XKR6: variants seen among roughly 807,000 people sequenced by gnomAD.
XKR6 encodes the protein XK related 6.
In XKR6, 22 loss-of-function variants were observed where a neutral mutation model predicts 56.7. The ratio of observed to expected loss-of-function variants is 0.39; its 90% CI spans 0.28 to 0.55. The LOEUF is 0.55. Ranked by LOEUF, XKR6 falls within the 20% of genes least tolerant of loss-of-function variation. The probability of loss-of-function intolerance (pLI) is 0.66; values close to 1 mark genes in which losing one functional copy is unlikely to be tolerated. For missense variants in XKR6, 852 were observed against 889.0 expected (o/e 0.96, Z 0.53); for synonymous variants, 524 against 387.8 (o/e 1.35, Z -4.13).
chr8:11,180,263 T>C (rs895069497), intron 1 of XKR6, among the ~76,000 whole-genome samples: 1 of 152,128 alleles, frequency 6.6e-6, no homozygotes, highest in African/African-American at 2.4e-5. Context: ...ACAGAAGAGG[T>C]AACAAGAGAG....
At chr8:11,061,599 A>G (rs577432795) in intron 1 of XKR6, among the ~76,000 whole-genome samples, 2 of 152,216 alleles carry the variant, frequency 1.3e-5, no homozygotes, top group African/African-American at 4.8e-5. Context: ...ACATCCGTTC[A>G]TTCATTCATT....
At chr8:11,097,043 G>C (rs1301830712) in intron 1 of XKR6, among the ~76,000 whole-genome samples, 2 of 152,186 alleles carry the variant, frequency 1.3e-5, no homozygotes, top group African/African-American at 4.8e-5. Context: ...GTTCCATCCA[G>C]AAGATGGAAG....
chr8:10,960,425 C>T (rs1439411154), intron 1 of XKR6, among the ~76,000 whole-genome samples: 1 of 152,250 alleles, frequency 6.6e-6, no homozygotes, highest in Admixed American at 6.5e-5. Context: ...TGCATGCTTA[C>T]TCTGAAGGCC....
In XKR6 at chr8:11,200,795, C is replaced by G; in HGVS notation, c.545G>C (p.Arg182Pro). The G allele has an allele frequency of 6.2e-7, 1 of 1,610,332 alleles. No individual in the cohort carries two copies. Reference protein sequence around the residue: ...PSLLVQSLSFRWFVQDYTGGG... With the variant: ...PSLLVQSLSFPWFVQDYTGGG... ...GCCCGTGTAGTCCTGCACGAACCAG[C>G]GGAAGCTCAGGCTCTGCACCAGCAG... Residue 182 changes from arginine to proline, a missense_variant, in exon 1 of 3, where the codon CGC becomes CCC. Transcript: ENST00000416569. The surrounding 1 kb of genome is among the most constrained non-coding windows in gnomAD (Gnocchi z 6.4).
chr8:11,169,908 T>C (rs76977805), intron 1 of XKR6, among the ~76,000 whole-genome samples: 2,433 of 152,232 alleles, frequency 0.016, 90 homozygotes, highest in African/African-American at 0.054. Context: ...TATTTTACAA[T>C]AAATTTTTAA....
intron 1 of XKR6, among the ~76,000 whole-genome samples, chr8:10,970,063 C>G (rs1482262193): frequency 1.3e-5 from 2 of 152,214 alleles, no homozygotes; most frequent in Admixed American, 1.3e-4. Context: ...CACTTGTGAA[C>G]GATTTCACTG....
intron 1 of XKR6, among the ~76,000 whole-genome samples, chr8:10,935,230 G>C (rs1801176280): frequency 9.0e-6 from 1 of 111,532 alleles, no homozygotes. Context: ...GTATTTCTGT[G>C]GGATCAGTGG....
chr8:11,172,014 T>C (rs556752671), intron 1 of XKR6, among the ~76,000 whole-genome samples: 13 of 150,132 alleles, frequency 8.7e-5, no homozygotes, highest in Admixed American at 4.7e-4. Context: ...CATCACGCCA[T>C]TGCACTCCAG....
At chr8:11,104,733 A>G (rs560607445) in intron 1 of XKR6, 1 of 152,214 alleles carries the variant, frequency 6.6e-6, no homozygotes, top group African/African-American at 2.4e-5. Flanking sequence ...TTTTTTGCAG[A>G]TTGGTGGCTA....
At chr8:10,949,610 C>T (rs536016046) in intron 1 of XKR6, among the ~76,000 whole-genome samples, 10 of 152,234 alleles carry the variant, frequency 6.6e-5, no homozygotes, top group African/African-American at 2.4e-4. Context: ...CGTTAGTGCC[C>T]TAACAGGGGA....
chr8:11,195,742 G>C (rs988494207), intron 1 of XKR6, among the ~76,000 whole-genome samples: 6 of 150,490 alleles, frequency 4.0e-5, no homozygotes, highest in African/African-American at 1.5e-4. Flanking sequence ...TCCACCTCCC[G>C]GGTTGACGCC....
At chr8:11,089,402 G>A (rs1043546112) in intron 1 of XKR6, among the ~76,000 whole-genome samples, 2 of 152,144 alleles carry the variant, frequency 1.3e-5, no homozygotes, top group Admixed American at 6.6e-5. Flanking sequence ...AGGCCGAAAT[G>A]GGAGTATTGC....
chr8:11,064,412 C>T (rs561984822), intron 1 of XKR6, among the ~76,000 whole-genome samples: 3 of 152,024 alleles, frequency 2.0e-5, no homozygotes, highest in Admixed American at 2.0e-4. Context: ...CATCTGATCA[C>T]ATAGTTCCTA....
chr8:11,196,047 C>G (rs1478377182), intron 1 of XKR6, among the ~76,000 whole-genome samples: 1 of 151,964 alleles, frequency 6.6e-6, no homozygotes, highest in African/African-American at 2.4e-5. Context: ...CACACCCACA[C>G]AGCCCACAAA....
chr8:10,903,349 G>A (rs550378035), intron 2 of XKR6, among the ~76,000 whole-genome samples: 1 of 152,164 alleles, frequency 6.6e-6, no homozygotes, highest in South Asian at 2.1e-4. Context: ...ACTCAACAGG[G>A]GCAGGAGATG....
intron 1 of XKR6, among the ~76,000 whole-genome samples, chr8:11,070,673 A>G (rs951788749): frequency 2.0e-5 from 3 of 152,242 alleles, no homozygotes; most frequent in African/African-American, 4.8e-5. Context: ...TCACATTTAC[A>G]TAGCACTTCA....
chr8:11,191,617 C>T (rs1451522747), intron 1 of XKR6, among the ~76,000 whole-genome samples: 3 of 150,278 alleles, frequency 2.0e-5, no homozygotes, highest in Non-Finnish European at 4.4e-5. Flanking sequence ...GTGCAAACGA[C>T]ACCTGCAAGA....
At position 11,164,783 on chromosome 8, in the gene XKR6, A is replaced by T. The variant is rs146593021; in HGVS notation, c.764+35793T>A. Among the ~76,000 whole-genome samples, 155 of 152,324 alleles carry T rather than the reference A, an allele frequency of 1.0e-3. 1 individual carries two copies. Among genetic ancestry groups the T allele is most frequent in the African/African-American group, 3.6e-3 (148 of 41,572 alleles). On this transcript the variant is annotated intron_variant, in intron 1 of 2. Transcript: ENST00000416569. ...AACTATTTCTCAATATCCATTTGTC[A>T]CATGTAAAATATTCTCAAGACCACT...
At position 10,937,693 on chromosome 8, in the gene XKR6, G is replaced by A. The variant is rs1801250758; in HGVS notation, c.765-12863C>T. 2.0e-5 allele frequency among the ~76,000 whole-genome samples: 3 copies of A among 148,164 alleles called. No homozygotes were observed. In the South Asian group the frequency reaches 6.6e-4, roughly 33 times the overall value. On this transcript the variant is annotated intron_variant, in intron 1 of 2. Coordinates refer to ENST00000416569, the MANE Select transcript of XKR6 (RefSeq NM_173683.4). ...TGTCAGTGTGCCCCTGCTGGGGGGT[G>A]CCTCCCAGTTAGGCTGCTCGGGGGT...
Sources: gnomAD v4.1 joint callset for allele counts (sites outside exome capture counted in the v4.1 genomes callset) on GRCh38, gnomAD v4.1.1 for gene constraint, Gnocchi (gnomAD v3.1) non-coding constraint, MANE v1.5 for transcripts, NCBI Gene and HGNC (gene_info 2026-07-23, HGNC 2026-07-21) for gene names.